Variants in COL16A1 observed in about 807,000 individuals in gnomAD.
The protein encoded by COL16A1 is collagen alpha-1(XVI) chain.
In COL16A1, 189 loss-of-function variants were observed where a neutral mutation model predicts 266.3. The observed-to-expected ratio is 0.71, with a 90% CI of 0.63 to 0.80. The LOEUF (loss-of-function observed/expected upper bound fraction) is 0.80. Ranked by LOEUF, COL16A1 falls within the 30% of genes least tolerant of loss-of-function variation. COL16A1 has a pLI of 0.00. For synonymous variants in COL16A1, 740 were observed against 782.3 expected, an observed-to-expected ratio of 0.95 and a Z score of 0.90; for missense variants, 1,928 against 2,122.4, an observed-to-expected ratio of 0.91 and a Z score of 1.80.
At position 31,672,452 on chromosome 1, in the gene COL16A1, A is replaced by G; in HGVS notation, c.3069T>C (p.Pro1023=). 6.2e-7 allele frequency: 1 copy of G among 1,614,146 alleles called. No individual in the cohort carries two copies. Among genetic ancestry groups the G allele is most frequent in the Non-Finnish European group, 8.5e-7 (1 of 1,180,004 alleles). Residue 1023 remains proline, a synonymous_variant, in exon 47 of 71, where the codon CCT becomes CCC. Transcript: ENST00000373672. The stretch of plus-strand genomic sequence containing the variant: ...TCTGGCCTGGCAATCCCGGAGGACC[A>G]GGTAGGCCTGGGCTCCCAACACAGC... ...DPGCVGSPGL[P]GPPGLPGQRG... is the part of the protein sequence containing the mutation.
chr1:31,661,418 G>A lies in COL16A1; in HGVS notation c.3767C>T (p.Pro1256Leu). The change falls in exon 60 of 71, where the codon CCT (proline) becomes CTT (leucine). Residue 1256 changes from proline (P) to leucine (L), a missense_variant. Physicochemically the swap from Pro to Leu is moderately conservative, Grantham distance 98 (BLOSUM62 -3). Around this residue, in one of 2 missense-constraint regions of COL16A1, gnomAD observed 376 missense variants for 485.2 expected, o/e 0.77. Transcript: ENST00000373672. Reference protein sequence around the residue: ...GKTGHPGLPGPKGDCGKPGPP... With the variant: ...GKTGHPGLPGLKGDCGKPGPP... ...GCAGAGGTCACCAGCCCTTACCTTA[G>A]GTCCTGGGAGGCCAGGATGTCCTGT... 6.2e-6 allele frequency: 10 copies of A among 1,614,042 alleles called. No homozygotes were observed. The highest frequency in any genetic ancestry group is 8.5e-6 in the Non-Finnish European group (10 of 1,180,036).
intron 62 of COL16A1, 57 bp downstream of exon 62, chr1:31,660,528 C>A (rs1641557347): frequency 3.1e-6 from 5 of 1,602,544 alleles, no homozygotes; most frequent in Non-Finnish European, 3.4e-6. Flanking sequence ...GCACCACCAA[C>A]CACCCCGCCA....
intron 51 of COL16A1, among the ~76,000 whole-genome samples, 183 bp from the exon 52 acceptor site, chr1:31,667,811 A>G (rs1469518923): frequency 6.6e-6 from 1 of 151,846 alleles, no homozygotes; most frequent in African/African-American, 2.4e-5. Flanking sequence ...CCAAGCCCCC[A>G]GTGGAAAGGA....
rs1643948688 is a variant in COL16A1 at position 31,685,912 on chromosome 1, G to C, written c.1885-142C>G. 3 of 1,501,244 alleles carry C rather than the reference G, an allele frequency of 2.0e-6. No individual in the cohort carries two copies. Among genetic ancestry groups the C allele is most frequent in the Non-Finnish European group, 9.0e-7 (1 of 1,107,736 alleles). The allele number at this position is 1,501,244 out of a possible 1,614,324, so 93.0% of individuals were successfully genotyped here. A position where few individuals can be genotyped will look rare whatever the true frequency, so the allele number is the denominator to read the frequency against. On this transcript the variant is annotated intron_variant, in intron 28 of 70. Coordinates refer to ENST00000373672, the MANE Select transcript of COL16A1 (RefSeq NM_001856.4). This position sits in a 1 kb window ranked among gnomAD's most constrained non-coding sequence, Gnocchi z 4.0. ...AGGGGTTATCTTGGGAAAGATGAAG[G>C]GAGAACAGGAAAGAAACAAAGGTGG...
At chr1:31,691,792 C>T in intron 17 of COL16A1, 150 bp from the exon 18 acceptor site, 1 of 1,253,220 alleles carries the variant, frequency 8.0e-7, no homozygotes, top group Non-Finnish European at 1.1e-6. Context: ...ACATGTCAAC[C>T]TTATGGTGTT....
At chr1:31,662,496 A>G in intron 57 of COL16A1, 91 bp downstream of exon 57, 2 of 1,553,116 alleles carry the variant, frequency 1.3e-6, no homozygotes, top group East Asian at 2.4e-5. Context: ...CTCCCACCTC[A>G]GCACACACAC....
Position 31,672,436 on chromosome 1 carries a change from G to T in COL16A1, c.3085C>A (p.Pro1029Thr), listed in dbSNP as rs549508461. ...SPGLPGPPGL[P>T]GQRGEEGPPG... is the part of the protein sequence containing the mutation. The stretch of plus-strand genomic sequence containing the variant: ...CTTACCTCTTCTCCTCTCTGGCCTG[G>T]CAATCCCGGAGGACCAGGTAGGCCT... The change falls in exon 47 of 71, where the codon CCA (proline) becomes ACA (threonine). Residue 1029 changes from proline to threonine, a missense_variant. Physicochemically the swap from Pro to Thr is conservative, Grantham distance 38 (BLOSUM62 -1). This residue lies in a region of COL16A1 where 1,552 missense variants were observed against 1,637.2 expected (regional missense o/e 0.95). Coordinates refer to ENST00000373672, the MANE Select transcript of COL16A1 (RefSeq NM_001856.4). 4.3e-6 allele frequency: 7 copies of T among 1,614,162 alleles called. No homozygotes were observed. The Admixed American group carries it at 1.2e-4, about 27-fold the overall frequency.
At chr1:31,671,828 C>T (rs1557637902) in intron 47 of COL16A1, among the ~76,000 whole-genome samples, 169 bp from the exon 48 acceptor site, 1 of 152,176 alleles carries the variant, frequency 6.6e-6, no homozygotes, top group African/African-American at 2.4e-5. Context: ...TTGGCCCATT[C>T]GGTCATCCTA....
chr1:31,672,992 C>T (rs549516246), intron 44 of COL16A1, 152 bp from the exon 45 acceptor site: 8 of 768,186 alleles, frequency 1.0e-5, no homozygotes, highest in Admixed American at 4.0e-5. Flanking sequence ...CGCATCCCTG[C>T]GGCAGCTTTG....
chr1:31,696,151 C>G lies in COL16A1; in HGVS notation c.865-10G>C. ...TCAGCTGGGCATCCACCTGGGCAGACAGAGCAAAGAGAAACCCTTGAGGAG... is the reference window on the plus strand; with the variant it reads ...TCAGCTGGGCATCCACCTGGGCAGAGAGAGCAAAGAGAAACCCTTGAGGAG... On this transcript the variant is annotated splice_polypyrimidine_tract_variant and intron_variant, in intron 8 of 70. Coordinates refer to ENST00000373672, the MANE Select transcript of COL16A1 (RefSeq NM_001856.4). 1 of 1,613,136 alleles carries G rather than the reference C, an allele frequency of 6.2e-7. No individual in the cohort carries two copies. Among genetic ancestry groups the G allele is most frequent in the Non-Finnish European group, 8.5e-7 (1 of 1,179,652 alleles).
At chr1:31,679,930 G>C in intron 40 of COL16A1, 79 bp from the exon 41 acceptor site, 1 of 1,546,588 alleles carries the variant, frequency 6.5e-7, no homozygotes, top group South Asian at 1.2e-5. Flanking sequence ...TGCGTGGGGA[G>C]GCGGCTGGCT....
At position 31,670,445 on chromosome 1, in the gene COL16A1, G is replaced by A. The variant is rs1238729718; in HGVS notation, c.3195+157C>T. ...AGACTGGGAGGATGTCCAAGCTGCC[G>A]GGACCTCAGAGAACCCGTGTCGTTA... On this transcript the variant is annotated intron_variant, in intron 49 of 70. Transcript: ENST00000373672. The surrounding 1 kb of genome is among the most constrained non-coding windows in gnomAD (Gnocchi z 4.5). 4.8e-5 allele frequency: 45 copies of A among 934,822 alleles called. No individual in the cohort carries two copies. The highest frequency in any genetic ancestry group is 5.8e-5 in the Non-Finnish European group (40 of 689,838). The allele number at this position is 934,822 out of a possible 1,614,324, so 57.9% of individuals were successfully genotyped here. A position where few individuals can be genotyped will look rare whatever the true frequency, so the allele number is the denominator to read the frequency against.
intron 20 of COL16A1, among the ~76,000 whole-genome samples, 197 bp downstream of exon 20, chr1:31,690,991 C>T (rs1350227847): frequency 6.6e-6 from 1 of 152,216 alleles, no homozygotes. Context: ...TTGCAGTGAG[C>T]AGCTCAGTGA....
rs757724027 is a variant in COL16A1 at position 31,686,107 on chromosome 1, C to A, written c.1868G>T (p.Gly623Val). The A allele has an allele frequency of 6.2e-7, 1 of 1,614,112 alleles. No homozygotes were observed. The highest frequency in any genetic ancestry group is 8.5e-7 in the Non-Finnish European group (1 of 1,180,006). ...PGPPGPVGPA[G>V]IKGAKGEPCE... ...CAGACTCACCTTCGCCCCTTTGATG[C>A]CTGCTGGCCCCACTGGTCCTGGTGG... The change falls in exon 28 of 71, where the codon GGC (glycine) becomes GTC (valine). Residue 623 changes from glycine (G) to valine (V), a missense_variant. Physicochemically the swap from Gly to Val is moderately radical, Grantham distance 109. Around this residue, in one of 2 missense-constraint regions of COL16A1, gnomAD observed 1,552 missense variants for 1,637.2 expected, o/e 0.95. Coordinates refer to ENST00000373672, the MANE Select transcript of COL16A1 (RefSeq NM_001856.4).
chr1:31,695,849 C>T (rs960895033), intron 9 of COL16A1, 62 bp from the exon 10 acceptor site: 1 of 1,477,790 alleles, frequency 6.8e-7, no homozygotes, highest in African/African-American at 1.4e-5. Flanking sequence ...GCACTGTTTC[C>T]AACACCCCTA....
In COL16A1 at chr1:31,698,590, C is replaced by A; in HGVS notation, c.283G>T (p.Gly95Cys). 6 of 1,613,856 alleles carry A rather than the reference C, an allele frequency of 3.7e-6. No individual in the cohort carries two copies. Among genetic ancestry groups the A allele is most frequent in the South Asian group, 1.1e-5 (1 of 91,076 alleles). Residue 95 changes from glycine to cysteine, a missense_variant, in exon 5 of 71, where the codon GGT becomes TGT. By Grantham distance (159) the Gly-to-Cys change is radical. Around this residue, in one of 2 missense-constraint regions of COL16A1, gnomAD observed 1,552 missense variants for 1,637.2 expected, o/e 0.95. Coordinates refer to ENST00000373672, the MANE Select transcript of COL16A1 (RefSeq NM_001856.4). The surrounding 1 kb of genome is among the most constrained non-coding windows in gnomAD (Gnocchi z 4.1). The stretch of plus-strand genomic sequence containing the variant: ...ACCAGGGCAAACTCCTCCGGGAGAC[C>A]CCGAGGGAATACTCTTCTGGAGATG... ...TQPTRRVFPR[G>C]LPEEFALVLT...
At chr1:31,665,317 A>G in intron 55 of COL16A1, 83 bp from the exon 56 acceptor site, 5 of 1,546,326 alleles carry the variant, frequency 3.2e-6, no homozygotes, top group Non-Finnish European at 3.5e-6. Flanking sequence ...TGCATGATGC[A>G]CTGTTGTTAA....
intron 30 of COL16A1, 56 bp downstream of exon 30, chr1:31,684,765 G>A: frequency 6.2e-7 from 1 of 1,613,654 alleles, no homozygotes; most frequent in Non-Finnish European, 8.5e-7. Flanking sequence ...AATGAGGCAA[G>A]GAGGGGATCT....
Position 31,668,214 on chromosome 1 carries a change from G to A in COL16A1, c.3254C>T (p.Pro1085Leu). Residue 1085 changes from proline to leucine, a missense_variant, in exon 51 of 71, where the codon CCT becomes CTT. Coordinates refer to ENST00000373672, the MANE Select transcript of COL16A1 (RefSeq NM_001856.4). This position sits in a 1 kb window ranked among gnomAD's most constrained non-coding sequence, Gnocchi z 5.8. Reference protein sequence around the residue: ...GLTGDKGEPGPPGQPGYPGAT... With the variant: ...GLTGDKGEPGLPGQPGYPGAT... The stretch of plus-strand genomic sequence containing the variant: ...ACCTGGGTAACCTGGTTGCCCTGGA[G>A]GACCCTGCAAAGAAAGGCAGACATG... 1.2e-6 allele frequency: 2 copies of A among 1,613,548 alleles called. No individual in the cohort carries two copies. The highest frequency in any genetic ancestry group is 1.7e-6 in the Non-Finnish European group (2 of 1,179,686).
Sources: gnomAD v4.1 joint callset for allele counts (sites outside exome capture counted in the v4.1 genomes callset) on GRCh38, gnomAD v4.1.1 for gene constraint, gnomAD v4.1.1 regional missense constraint, Gnocchi (gnomAD v3.1) non-coding constraint, MANE v1.5 for transcripts, NCBI Gene and HGNC (gene_info 2026-07-23, HGNC 2026-07-21) for gene names.